KCNN2: variants seen among roughly 807,000 people sequenced by gnomAD.
KCNN2 encodes the protein small conductance calcium-activated potassium channel protein 2.
In KCNN2, 24 loss-of-function variants were observed where a neutral mutation model predicts 55.5. The observed-to-expected ratio is 0.43, with a 90% confidence interval of 0.31 to 0.61. The LOEUF is 0.61. Ranked by LOEUF, KCNN2 falls within the 20% of genes least tolerant of loss-of-function variation. The probability of loss-of-function intolerance (pLI) is 0.08; values close to 1 mark genes in which losing one functional copy is unlikely to be tolerated. For missense variants in KCNN2, 754 were observed against 853.6 expected, an observed-to-expected ratio of 0.88 and a Z score of 1.45; for synonymous variants, 431 against 336.1, an observed-to-expected ratio of 1.28 and a Z score of -3.09.
intron 2 of KCNN2, among the ~76,000 whole-genome samples, chr5:114,283,406 C>G (rs554872985): frequency 6.6e-6 from 1 of 152,206 alleles, no homozygotes; most frequent in South Asian, 2.1e-4. Context: ...TCTTCAGTAT[C>G]ACATTTTACT....
chr5:114,068,968 C>G (rs1434016233), intron 1 of KCNN2, among the ~76,000 whole-genome samples: 1 of 152,162 alleles, frequency 6.6e-6, no homozygotes, highest in African/African-American at 2.4e-5. Context: ...TGCCTGCCAA[C>G]CACGCCTGGC....
chr5:114,368,052 T>C (rs1398674265), intron 2 of KCNN2, among the ~76,000 whole-genome samples: 2 of 149,484 alleles, frequency 1.3e-5, no homozygotes, highest in African/African-American at 5.0e-5. Flanking sequence ...TATACACAGA[T>C]TTTTTTTTTC....
intron 1 of KCNN2, among the ~76,000 whole-genome samples, chr5:114,147,837 C>T (rs1352775842): frequency 3.9e-5 from 6 of 152,086 alleles, no homozygotes; most frequent in African/African-American, 1.2e-4. Context: ...CTTCTAGGTG[C>T]GTTGGTGCAT....
chr5:114,389,592 A>G (rs1758399047), intron 2 of KCNN2, among the ~76,000 whole-genome samples: 2 of 152,202 alleles, frequency 1.3e-5, no homozygotes, highest in Admixed American at 1.3e-4. Context: ...TTAGTTAAGC[A>G]TACTTTAAAA....
intron 2 of KCNN2, among the ~76,000 whole-genome samples, chr5:114,242,288 A>C (rs1203947980): frequency 8.0e-6 from 1 of 125,694 alleles, no homozygotes; most frequent in Non-Finnish European, 1.9e-5. Context: ...GCCAAGACCC[A>C]TGGAGAGTTG....
At chr5:114,112,548 T>C (rs1350653531) in intron 1 of KCNN2, among the ~76,000 whole-genome samples, 1 of 152,120 alleles carries the variant, frequency 6.6e-6, no homozygotes, top group Non-Finnish European at 1.5e-5. Flanking sequence ...GATCCAATTT[T>C]ATTTTTTTCA....
chr5:114,477,277 CAAGTCTTCCAGTTT>C (rs1330642210), intron 5 of KCNN2, among the ~76,000 whole-genome samples: 2 of 152,010 alleles, frequency 1.3e-5, no homozygotes, highest in African/African-American at 2.4e-5. Flanking sequence ...TGTAACATTC[CAAGTCTTCCAGTTT>C]GTATCTTTAG....
At chr5:114,079,212 A>G (rs1393084862) in intron 1 of KCNN2, among the ~76,000 whole-genome samples, 3 of 152,210 alleles carry the variant, frequency 2.0e-5, no homozygotes, top group Non-Finnish European at 4.4e-5. Flanking sequence ...CCAGAGAAAG[A>G]GACTTTTAAT....
chr5:114,421,109 C>G (rs1759459017), intron 3 of KCNN2, among the ~76,000 whole-genome samples: 1 of 151,994 alleles, frequency 6.6e-6, no homozygotes, highest in Admixed American at 6.6e-5. Flanking sequence ...CTATTTTGCG[C>G]ATAGCCTTGG....
At chr5:114,325,305 T>G (rs1379287529) in intron 2 of KCNN2, among the ~76,000 whole-genome samples, 1 of 152,104 alleles carries the variant, frequency 6.6e-6, no homozygotes, top group Non-Finnish European at 1.5e-5. Context: ...AAAAGAGATA[T>G]AAATTGAGGG....
At chr5:114,261,283 A>T (rs1464346639) in intron 2 of KCNN2, among the ~76,000 whole-genome samples, 2 of 152,134 alleles carry the variant, frequency 1.3e-5, no homozygotes, top group Admixed American at 6.6e-5. Flanking sequence ...TTTCATGATG[A>T]GTGCAAGGAC....
intron 2 of KCNN2, among the ~76,000 whole-genome samples, chr5:114,238,055 G>A (rs1754540734): frequency 6.6e-6 from 1 of 152,208 alleles, no homozygotes; most frequent in Admixed American, 6.5e-5. Context: ...TAGTCATGTA[G>A]AGGAACACAT....
At chr5:114,241,744 ATATATATG>A (rs1392825440) in intron 2 of KCNN2, among the ~76,000 whole-genome samples, 8,498 of 29,394 alleles carry the variant, frequency 0.29, 2,691 homozygotes, top group South Asian at 0.42. Context: ...ATATATACGT[ATATATATG>A]TATATATATA....
At chr5:114,363,443 C>A (rs548646718) in intron 1 of KCNN2, among the ~76,000 whole-genome samples, 182 bp downstream of exon 1, 2 of 152,218 alleles carry the variant, frequency 1.3e-5, no homozygotes, top group Admixed American at 1.3e-4. Flanking sequence ...CGGAGATGAA[C>A]CCTTTCCGCG....
chr5:114,237,318 GA>G (rs11296043), intron 2 of KCNN2, among the ~76,000 whole-genome samples: 58,470 of 147,036 alleles, frequency 0.4, 11,982 homozygotes, highest in Middle Eastern at 0.54. Flanking sequence ...ACACCCCACA[GA>G]AAAAAAAAAT....
At chr5:114,371,856 C>G (rs941549966) in intron 2 of KCNN2, among the ~76,000 whole-genome samples, 4 of 152,088 alleles carry the variant, frequency 2.6e-5, no homozygotes, top group African/African-American at 9.7e-5. Context: ...ATAGGATCTT[C>G]CAGTGGGGCT....
intron 3 of KCNN2, among the ~76,000 whole-genome samples, chr5:114,417,499 TA>T (rs1378020810): frequency 1.3e-5 from 2 of 152,232 alleles, no homozygotes; most frequent in African/African-American, 4.8e-5. Context: ...ATCACACTGA[TA>T]CCTTTTGTTC....
chr5:114,448,206 CTTCTT>C (rs1472045483), intron 3 of KCNN2, among the ~76,000 whole-genome samples: 1 of 152,134 alleles, frequency 6.6e-6, no homozygotes, highest in Non-Finnish European at 1.5e-5. Flanking sequence ...TTACCCAACT[CTTCTT>C]TTCTTCCCTT....
intron 2 of KCNN2, among the ~76,000 whole-genome samples, chr5:114,238,849 G>T (rs1326337885): frequency 2.6e-5 from 4 of 151,912 alleles, no homozygotes; most frequent in Non-Finnish European, 5.9e-5. Context: ...TTTTTTTTAT[G>T]GTGTGCTGAG....
Sources: allele counts gnomAD v4.1 joint callset (sites outside exome capture counted in the v4.1 genomes callset), GRCh38; gene constraint gnomAD v4.1.1; transcripts MANE v1.5; gene names NCBI Gene and HGNC (gene_info 2026-07-23, HGNC 2026-07-21).